SAFB: variants seen among roughly 807,000 people sequenced by gnomAD.
The protein encoded by SAFB is scaffold attachment factor B1.
A neutral mutation model predicts 101.6 loss-of-function variants in SAFB; 15 were observed. The observed-to-expected ratio is 0.15, with a 90% confidence interval of 0.10 to 0.23. SAFB has a LOEUF of 0.23. Among genes scored for constraint, SAFB ranks in the 10% least tolerant of loss-of-function variants. SAFB has a pLI of 1.00. For synonymous variants in SAFB, 449 were observed against 407.5 expected (o/e 1.10, Z -1.23); for missense variants, 930 against 1,104.1 (o/e 0.84, Z 2.23).
intron 1 of SAFB, among the ~76,000 whole-genome samples, chr19:5,626,054 G>GATC (rs1433128053): frequency 6.6e-6 from 1 of 152,182 alleles, no homozygotes; most frequent in Non-Finnish European, 1.5e-5. Flanking sequence ...AGATGAACCA[G>GATC]ATAAGCCTAC....
intron 15 of SAFB, among the ~76,000 whole-genome samples, chr19:5,662,654 T>C (rs1397839255): frequency 2.0e-5 from 3 of 151,302 alleles, no homozygotes; most frequent in Admixed American, 1.3e-4. Context: ...TTTTTTTTTT[T>C]TTTTGAGATA....
At chr19:5,660,046 GTTGCAGTCAT>G (rs914132055) in intron 14 of SAFB, among the ~76,000 whole-genome samples, 4 of 152,168 alleles carry the variant, frequency 2.6e-5, no homozygotes, top group African/African-American at 4.8e-5. Context: ...AACTAAGGAG[GTTGCAGTCAT>G]TTGAGTCCAG....
At chr19:5,647,622 TC>T (rs2053852401) in intron 5 of SAFB, among the ~76,000 whole-genome samples, 2 of 152,200 alleles carry the variant, frequency 1.3e-5, no homozygotes, top group African/African-American at 4.8e-5. Context: ...CTTTCGAATA[TC>T]AGAAAGTTGT....
intron 3 of SAFB, 34 bp downstream of exon 3, chr19:5,641,692 G>A (rs1045396938): frequency 6.2e-7 from 1 of 1,613,348 alleles, no homozygotes; most frequent in African/African-American, 1.3e-5. Context: ...TAGCGTGGTG[G>A]ATGGACCAGT....
chr19:5,661,246 T>G (rs942964028), intron 14 of SAFB, among the ~76,000 whole-genome samples: 2 of 152,098 alleles, frequency 1.3e-5, no homozygotes, highest in Admixed American at 1.3e-4. Flanking sequence ...ACTGGCTGTT[T>G]CCTGAAATCA....
chr19:5,626,385 T>C lies in SAFB; in HGVS notation c.190-20T>C. On this transcript the variant is annotated intron_variant, in intron 1 of 20. Coordinates refer to ENST00000588852, the MANE Select transcript of SAFB (RefSeq NM_001201338.2). ...GTGAGCTGACTTTTTGGATCAACTT[T>C]ACTTTTCCCTTCTTTTTAGGCAATT... is the stretch of plus-strand genomic sequence containing the variant. 1 of 1,475,160 alleles carries C rather than the reference T, an allele frequency of 6.8e-7. No homozygotes were observed. The highest frequency in any genetic ancestry group is 9.5e-7 in the Non-Finnish European group (1 of 1,053,514). The allele number at this position is 1,475,160 out of a possible 1,614,324, so 91.4% of individuals were successfully genotyped here. A position where few individuals can be genotyped will look rare whatever the true frequency, so the allele number is the denominator to read the frequency against.
Position 5,653,223 on chromosome 19 carries a change from C to G in SAFB, c.1402C>G (p.His468Asp). The G allele has an allele frequency of 6.2e-7, 1 of 1,614,122 alleles. No homozygotes were observed. The highest frequency in any genetic ancestry group is 8.5e-7 in the Non-Finnish European group (1 of 1,180,026). The change falls in exon 10 of 21, where the codon CAC becomes GAC. Residue 468 changes from histidine to aspartate, a missense_variant. Around this residue, in one of 7 missense-constraint regions of SAFB, gnomAD observed 68 missense variants for 122.1 expected, o/e 0.56. Transcript: ENST00000588852. Reference sequence around the variant, plus strand: ...GGCCACAAAATGCATTAACCACCTGCACAAGACGGAGCTCCACGGAAAGAT... The same window carrying G: ...GGCCACAAAATGCATTAACCACCTGGACAAGACGGAGCTCCACGGAAAGAT... ...EEATKCINHL[H>D]KTELHGKMIS...
intron 2 of SAFB, among the ~76,000 whole-genome samples, chr19:5,627,539 A>G (rs1308460421): frequency 6.6e-6 from 1 of 152,164 alleles, no homozygotes; most frequent in Non-Finnish European, 1.5e-5. Flanking sequence ...CAGAATTGTC[A>G]CTTTAACATT....
chr19:5,623,731 C>T (rs1251713017), intron 1 of SAFB, among the ~76,000 whole-genome samples: 3 of 152,022 alleles, frequency 2.0e-5, no homozygotes, highest in South Asian at 2.1e-4. Flanking sequence ...GAAACCCTCA[C>T]TTCCCAGGCG....
chr19:5,647,323 TGGCTGAA>T (rs1284136271), intron 5 of SAFB, among the ~76,000 whole-genome samples: 2 of 152,158 alleles, frequency 1.3e-5, no homozygotes, highest in Non-Finnish European at 2.9e-5. Context: ...AGGGATCCAT[TGGCTGAA>T]GGCTGAAGGC....
chr19:5,625,036 G>A (rs368052518), intron 1 of SAFB, among the ~76,000 whole-genome samples: 6 of 152,120 alleles, frequency 3.9e-5, no homozygotes, highest in African/African-American at 7.2e-5. Flanking sequence ...CCCATCACTC[G>A]CTGTCATCTC....
rs1461026923 is a variant in SAFB at position 5,667,959 on chromosome 19, C to T, written c.2624+73C>T. The stretch of plus-strand genomic sequence containing the variant: ...GCCTACCTTGCTGGAGGCTTAACAA[C>T]CAAGTCCTTCCAGCTAGTGCCCCTC... On this transcript the variant is annotated intron_variant, in intron 20 of 20. Transcript: ENST00000588852. This position sits in a 1 kb window ranked among gnomAD's most constrained non-coding sequence, Gnocchi z 4.0. The T allele has an allele frequency of 6.7e-7, 1 of 1,481,500 alleles. No individual in the cohort carries two copies. The highest frequency in any genetic ancestry group is 9.2e-7 in the Non-Finnish European group (1 of 1,092,622). The allele number at this position is 1,481,500 out of a possible 1,614,324, so 91.8% of individuals were successfully genotyped here. A position where few individuals can be genotyped will look rare whatever the true frequency, so the allele number is the denominator to read the frequency against.
chr19:5,634,384 C>T (rs1466908549), intron 2 of SAFB, among the ~76,000 whole-genome samples: 1 of 151,964 alleles, frequency 6.6e-6, no homozygotes, highest in Admixed American at 6.6e-5. Context: ...ATATTGCAAA[C>T]AACAGAAAGT....
chr19:5,641,301 G>C (rs2053707829), intron 2 of SAFB, among the ~76,000 whole-genome samples: 1 of 152,126 alleles, frequency 6.6e-6, no homozygotes, highest in Non-Finnish European at 1.5e-5. Flanking sequence ...AGGACACTTG[G>C]GATAGGAAGA....
chr19:5,651,306 T>A (rs2053933199), intron 9 of SAFB, among the ~76,000 whole-genome samples: 1 of 152,198 alleles, frequency 6.6e-6, no homozygotes, highest in South Asian at 2.1e-4. Flanking sequence ...CCCCCTTCCC[T>A]GTGATGGCTC....
Position 5,651,083 on chromosome 19 carries a change from G to T in SAFB, c.1293+11G>T, listed in dbSNP as rs1191896444. The T allele has an allele frequency of 6.4e-7, 1 of 1,554,846 alleles. No individual in the cohort carries two copies. Among genetic ancestry groups the T allele is most frequent in the African/African-American group, 1.4e-5 (1 of 73,302 alleles). The stretch of plus-strand genomic sequence containing the variant: ...AGCAAATATGGGAAGGTAAGTGCCA[G>T]AGCTTTTCTGGAGAAGATACTTTGA... On this transcript the variant is annotated intron_variant, in intron 9 of 20. Coordinates refer to ENST00000588852, the MANE Select transcript of SAFB (RefSeq NM_001201338.2).
At chr19:5,642,827 G>T (rs990016776) in intron 4 of SAFB, among the ~76,000 whole-genome samples, 1 of 151,528 alleles carries the variant, frequency 6.6e-6, no homozygotes, top group Non-Finnish European at 1.5e-5. Context: ...CACCAAGCCC[G>T]ACTAATTTTC....
At chr19:5,638,053 TCTCTA>T (rs1395896472) in intron 2 of SAFB, among the ~76,000 whole-genome samples, 17 of 152,216 alleles carry the variant, frequency 1.1e-4, no homozygotes, top group African/African-American at 4.1e-4. Context: ...ATTTTTCTAT[TCTCTA>T]CTCATTTTAT....
chr19:5,651,986 G>A (rs2053949653), intron 9 of SAFB, among the ~76,000 whole-genome samples: 1 of 152,162 alleles, frequency 6.6e-6, no homozygotes, highest in Non-Finnish European at 1.5e-5. Context: ...ACGAGGTCAG[G>A]AGTTTGAGAC....
Sources: gnomAD v4.1 joint callset for allele counts (sites outside exome capture counted in the v4.1 genomes callset) on GRCh38, gnomAD v4.1.1 for gene constraint, gnomAD v4.1.1 regional missense constraint, Gnocchi (gnomAD v3.1) non-coding constraint, MANE v1.5 for transcripts, NCBI Gene and HGNC (gene_info 2026-07-23, HGNC 2026-07-21) for gene names.